Variants in ZNF385D observed in about 807,000 individuals in gnomAD.
ZNF385D encodes zinc finger protein 659.
A neutral mutation model predicts 35.8 loss-of-function variants in ZNF385D; 15 were observed. That is an observed-to-expected ratio of 0.42 (90% CI 0.28 to 0.64). ZNF385D has a LOEUF of 0.64. Ranked by LOEUF, ZNF385D falls within the 30% of genes least tolerant of loss-of-function variation. The pLI is 0.23. For synonymous variants in ZNF385D, 212 were observed against 186.8 expected (o/e 1.13, Z -1.10); for missense variants, 474 against 494.6 (o/e 0.96, Z 0.39).
chr3:22,368,264 T>C (rs1244385938), intron 2 of ZNF385D, among the ~76,000 whole-genome samples: 3 of 152,182 alleles, frequency 2.0e-5, no homozygotes, highest in Admixed American at 6.5e-5. Context: ...ATCAGGAGGT[T>C]AGGAATAAGA....
At chr3:21,596,708 G>A (rs1306800549) in intron 2 of ZNF385D, among the ~76,000 whole-genome samples, 3 of 151,166 alleles carry the variant, frequency 2.0e-5, no homozygotes, top group South Asian at 4.2e-4. Context: ...CAAACTCCTG[G>A]CCACAAGTGA....
chr3:21,492,090 G>T (rs1705465720), intron 4 of ZNF385D, among the ~76,000 whole-genome samples: 1 of 152,062 alleles, frequency 6.6e-6, no homozygotes, highest in African/African-American at 2.4e-5. Flanking sequence ...ACCCAACCAG[G>T]AAGTGACACA....
intron 3 of ZNF385D, among the ~76,000 whole-genome samples, chr3:21,547,495 T>A (rs955409401): frequency 6.6e-6 from 1 of 152,116 alleles, no homozygotes; most frequent in East Asian, 1.9e-4. Context: ...CTGGGACCCC[T>A]TAGGCCTCTA....
intron 3 of ZNF385D, among the ~76,000 whole-genome samples, chr3:22,018,780 G>A (rs1697037585): frequency 6.6e-6 from 1 of 151,874 alleles, no homozygotes; most frequent in South Asian, 2.1e-4. Context: ...GGTTGTGAAA[G>A]TAACCCTACA....
intron 1 of ZNF385D, among the ~76,000 whole-genome samples, chr3:21,680,185 T>A (rs2066855364): frequency 1.3e-5 from 2 of 152,142 alleles, no homozygotes; most frequent in African/African-American, 4.8e-5. Context: ...TCAGATTTAC[T>A]TCTTGGCTCA....
chr3:21,750,010 A>G (rs751250817), intron 1 of ZNF385D, among the ~76,000 whole-genome samples: 1 of 152,240 alleles, frequency 6.6e-6, no homozygotes, highest in African/African-American at 2.4e-5. Context: ...TTAATATCGC[A>G]TAGATGCCCT....
chr3:22,311,877 C>T (rs2125429115), intron 2 of ZNF385D, among the ~76,000 whole-genome samples: 1 of 152,234 alleles, frequency 6.6e-6, no homozygotes, highest in East Asian at 1.9e-4. Context: ...TATACACCTA[C>T]AATTTTGTCA....
chr3:21,525,751 C>G (rs1417411464), intron 3 of ZNF385D, among the ~76,000 whole-genome samples: 4 of 150,054 alleles, frequency 2.7e-5, no homozygotes, highest in African/African-American at 9.8e-5. Flanking sequence ...TTTTTTAGAC[C>G]ATCTGATTTT....
intron 1 of ZNF385D, among the ~76,000 whole-genome samples, chr3:21,685,566 G>A (rs2067076864): frequency 6.6e-6 from 1 of 152,160 alleles, no homozygotes; most frequent in African/African-American, 2.4e-5. Flanking sequence ...ATGCGGTCTT[G>A]CTCCAACAAG....
At chr3:22,083,650 A>G (rs1415583936) in intron 3 of ZNF385D, among the ~76,000 whole-genome samples, 1 of 152,234 alleles carries the variant, frequency 6.6e-6, no homozygotes, top group Non-Finnish European at 1.5e-5. Flanking sequence ...CAAGTTGGAA[A>G]ACACTCTGTA....
chr3:21,718,447 G>T (rs1360461614), intron 1 of ZNF385D, among the ~76,000 whole-genome samples: 1 of 152,198 alleles, frequency 6.6e-6, no homozygotes, highest in Non-Finnish European at 1.5e-5. Flanking sequence ...AACAAGGTAT[G>T]ATAACAACGA....
At chr3:21,810,556 G>A (rs1009033328) in intron 3 of ZNF385D, among the ~76,000 whole-genome samples, 1 of 151,928 alleles carries the variant, frequency 6.6e-6, no homozygotes, top group African/African-American at 2.4e-5. Context: ...ATGTATGTAT[G>A]TATATGTTTA....
At chr3:22,233,373 C>G (rs1559468819) in intron 2 of ZNF385D, among the ~76,000 whole-genome samples, 2 of 152,042 alleles carry the variant, frequency 1.3e-5, no homozygotes, top group Non-Finnish European at 2.9e-5. Context: ...AAAAGAAAAT[C>G]CAATCTGTAA....
intron 2 of ZNF385D, among the ~76,000 whole-genome samples, chr3:22,229,284 C>G (rs1004387615): frequency 6.6e-6 from 1 of 152,078 alleles, no homozygotes; most frequent in Non-Finnish European, 1.5e-5. Context: ...GAAAACTGGC[C>G]ACTTATTTGT....
chr3:22,191,688 A>G (rs1696043072), intron 2 of ZNF385D, among the ~76,000 whole-genome samples: 1 of 152,128 alleles, frequency 6.6e-6, no homozygotes, highest in African/African-American at 2.4e-5. Context: ...ACACTAACAC[A>G]ATGTGTAGTA....
chr3:21,507,557 T>C (rs1706873516), intron 4 of ZNF385D, among the ~76,000 whole-genome samples: 1 of 152,090 alleles, frequency 6.6e-6, no homozygotes, highest in Admixed American at 6.5e-5. Context: ...TATCTACCTC[T>C]TCTTCTCCTT....
intron 2 of ZNF385D, among the ~76,000 whole-genome samples, chr3:22,267,333 C>G (rs762706926): frequency 7.9e-5 from 12 of 151,764 alleles, no homozygotes; most frequent in Non-Finnish European, 1.6e-4. Context: ...CAATAAACCT[C>G]TTAGTTTCTA....
chr3:21,459,061 G>A (rs1225454527), intron 4 of ZNF385D, among the ~76,000 whole-genome samples: 2 of 152,092 alleles, frequency 1.3e-5, no homozygotes, highest in Admixed American at 6.6e-5. Context: ...CTATCACCTG[G>A]GAGGGTAAGA....
intron 1 of ZNF385D, among the ~76,000 whole-genome samples, chr3:21,693,182 A>C (rs138509865): frequency 2.6e-5 from 4 of 152,278 alleles, no homozygotes; most frequent in African/African-American, 4.8e-5. Flanking sequence ...GTTCACATAC[A>C]TGTGCAAATT....
Sources: allele counts gnomAD v4.1 joint callset (sites outside exome capture counted in the v4.1 genomes callset), GRCh38; gene constraint gnomAD v4.1.1; transcripts MANE v1.5; gene names NCBI Gene and HGNC (gene_info 2026-07-23, HGNC 2026-07-21).